VWA8: variants seen among roughly 807,000 people sequenced by gnomAD.
VWA8 encodes the protein von Willebrand factor A domain-containing protein 8.
VWA8 carries 221 observed loss-of-function variants against 241.5 expected under a neutral mutation model. The ratio of observed to expected loss-of-function variants is 0.91; its 90% CI spans 0.82 to 1.02. The LOEUF is 1.02. VWA8 is among the 50% of genes least tolerant of loss of function. VWA8 has a pLI of 0.00. For synonymous variants in VWA8, 852 were observed against 827.1 expected (o/e 1.03, Z -0.52); for missense variants, 2,322 against 2,328.7 (o/e 1.00, Z 0.06).
At chr13:41,807,097 G>A (rs1327718049) in intron 17 of VWA8, among the ~76,000 whole-genome samples, 1 of 151,936 alleles carries the variant, frequency 6.6e-6, no homozygotes, top group African/African-American at 2.4e-5. Context: ...AAGAAGAAAC[G>A]GAGAAATTCT....
At chr13:41,702,849 CCTTT>C (rs2045259162) in intron 27 of VWA8, among the ~76,000 whole-genome samples, 1 of 152,124 alleles carries the variant, frequency 6.6e-6, no homozygotes, top group Non-Finnish European at 1.5e-5. Context: ...TTCCTGCTGC[CCTTT>C]CTAATGATTT....
intron 20 of VWA8, among the ~76,000 whole-genome samples, chr13:41,763,235 G>A (rs530556872): frequency 1.1e-4 from 16 of 152,098 alleles, no homozygotes; most frequent in African/African-American, 3.9e-4. Flanking sequence ...GCTGCAGTGA[G>A]CTATGATCAC....
intron 20 of VWA8, among the ~76,000 whole-genome samples, chr13:41,769,988 T>A (rs142361150): frequency 7.6e-4 from 115 of 152,208 alleles, no homozygotes; most frequent in African/African-American, 2.7e-3. Flanking sequence ...GAAAATAAGA[T>A]TACTTCTTTT....
chr13:41,586,041 T>C (rs979936845), intron 42 of VWA8, among the ~76,000 whole-genome samples: 6 of 151,916 alleles, frequency 3.9e-5, no homozygotes, highest in African/African-American at 9.7e-5. Context: ...GCTGATACAA[T>C]AGATGTCTAA....
intron 21 of VWA8, among the ~76,000 whole-genome samples, chr13:41,738,284 A>G (rs1315174009): frequency 6.6e-6 from 1 of 152,152 alleles, no homozygotes; most frequent in Non-Finnish European, 1.5e-5. Flanking sequence ...GATGCAAAAA[A>G]TCCTAACTAT....
At chr13:41,605,050 A>C in intron 40 of VWA8, 118 bp downstream of exon 40, 1 of 885,990 alleles carries the variant, frequency 1.1e-6, no homozygotes, top group African/African-American at 1.7e-5. Flanking sequence ...AGACATTTTC[A>C]CACTGAGACA....
At chr13:41,852,246 G>A (rs1250417361) in intron 12 of VWA8, among the ~76,000 whole-genome samples, 3 of 152,126 alleles carry the variant, frequency 2.0e-5, no homozygotes, top group African/African-American at 7.2e-5. Flanking sequence ...ATTTTAAAAT[G>A]CCTGAGAAAT....
rs1027604264 is a variant in VWA8 at position 41,647,607 on chromosome 13, C to G, written c.4611+23339G>C. ...ATTGGGCATATGCTGATACACAAAA[C>G]AGCAATGGTTTTTTCCCTTCAAAAT... On this transcript the variant is annotated intron_variant, in intron 37 of 44. Coordinates refer to ENST00000379310, the MANE Select transcript of VWA8 (RefSeq NM_015058.2). Among the ~76,000 whole-genome samples, 4 of 152,184 alleles carry G rather than the reference C, an allele frequency of 2.6e-5. No homozygotes were observed. The East Asian group carries it at 7.7e-4, about 29-fold the overall frequency.
chr13:41,651,043 T>C (rs1450442629), intron 37 of VWA8, among the ~76,000 whole-genome samples: 1 of 151,894 alleles, frequency 6.6e-6, no homozygotes, highest in African/African-American at 2.4e-5. Context: ...GTAATAAATA[T>C]AAACAGAAAC....
chr13:41,630,017 G>A (rs2044716191), intron 37 of VWA8, among the ~76,000 whole-genome samples: 1 of 152,052 alleles, frequency 6.6e-6, no homozygotes, highest in African/African-American at 2.4e-5. Flanking sequence ...AACCTCAGTG[G>A]GCATTTCTAT....
At chr13:41,684,555 T>C (rs1186350618) in intron 35 of VWA8, among the ~76,000 whole-genome samples, 1 of 152,142 alleles carries the variant, frequency 6.6e-6, no homozygotes. Flanking sequence ...TTAGAGAGCA[T>C]GCTAACAATA....
intron 5 of VWA8, among the ~76,000 whole-genome samples, chr13:41,889,481 C>T (rs908498242): frequency 4.6e-5 from 7 of 151,694 alleles, no homozygotes; most frequent in African/African-American, 7.3e-5. Flanking sequence ...TGGGTTCAAG[C>T]GATTCTCCTG....
chr13:41,745,159 C>CT (rs1277289185), intron 21 of VWA8, among the ~76,000 whole-genome samples: 1 of 151,660 alleles, frequency 6.6e-6, no homozygotes, highest in Non-Finnish European at 1.5e-5. Flanking sequence ...TTTAATTATA[C>CT]TTTAAGTTCT....
chr13:41,587,345 A>T (rs1283007884), intron 42 of VWA8, among the ~76,000 whole-genome samples, 167 bp downstream of exon 42: 1 of 152,164 alleles, frequency 6.6e-6, no homozygotes, highest in Non-Finnish European at 1.5e-5. Context: ...TTATGGAGTT[A>T]TTTTACAATT....
At chr13:41,766,697 T>C (rs2045780976) in intron 20 of VWA8, among the ~76,000 whole-genome samples, 2 of 152,214 alleles carry the variant, frequency 1.3e-5, no homozygotes, top group African/African-American at 4.8e-5. Flanking sequence ...TTTGCCTATC[T>C]GTCCCGTTGT....
At chr13:41,929,710 C>T (rs567409765) in intron 2 of VWA8, among the ~76,000 whole-genome samples, 1 of 152,164 alleles carries the variant, frequency 6.6e-6, no homozygotes, top group Admixed American at 6.5e-5. Context: ...TTTCCACAGG[C>T]AAAAGAATGA....
At position 41,960,854 on chromosome 13, in the gene VWA8, T is replaced by C; in HGVS notation, c.162A>G (p.Thr54=). The change falls in exon 1 of 45, where the codon ACA becomes ACG. Residue 54 remains threonine (T), a splice_region_variant and synonymous_variant. Coordinates refer to ENST00000379310, the MANE Select transcript of VWA8 (RefSeq NM_015058.2). ...RLLHAGSGAD[T]GDTVNIGDVS... is the part of the protein sequence containing the mutation. Reference sequence around the variant, plus strand: ...GGACAGGGGCGCACCCCGAGTTACCTGTGTCGGCCCCCGAGCCGGCGTGCA... The same window carrying C: ...GGACAGGGGCGCACCCCGAGTTACCCGTGTCGGCCCCCGAGCCGGCGTGCA... The C allele has an allele frequency of 6.6e-7, 1 of 1,517,670 alleles. No individual in the cohort carries two copies. The highest frequency in any genetic ancestry group is 2.6e-5 in the East Asian group (1 of 37,942). The allele number at this position is 1,517,670 out of a possible 1,614,324, so 94.0% of individuals were successfully genotyped here.
chr13:41,683,423 G>A (rs1051012572), intron 35 of VWA8, among the ~76,000 whole-genome samples: 6 of 152,056 alleles, frequency 3.9e-5, no homozygotes, highest in African/African-American at 7.2e-5. Context: ...AAGAAATCAG[G>A]TCAGTGATAA....
At chr13:41,898,321 T>C (rs1056267476) in intron 4 of VWA8, among the ~76,000 whole-genome samples, 13 of 147,228 alleles carry the variant, frequency 8.8e-5, no homozygotes, top group South Asian at 4.3e-4. Context: ...AGAGTGCCAA[T>C]TGGTGTATTT....
Sources: allele counts gnomAD v4.1 joint callset (sites outside exome capture counted in the v4.1 genomes callset), GRCh38; gene constraint gnomAD v4.1.1; transcripts MANE v1.5; gene names NCBI Gene and HGNC (gene_info 2026-07-23, HGNC 2026-07-21).